UNC5A: variants seen among roughly 807,000 people sequenced by gnomAD.
UNC5A encodes unc-5 netrin receptor A.
A neutral mutation model predicts 87.4 loss-of-function variants in UNC5A; 20 were observed. The observed-to-expected ratio is 0.23, with a 90% CI of 0.16 to 0.33. The LOEUF (loss-of-function observed/expected upper bound fraction) is 0.33. UNC5A is among the 10% of genes least tolerant of loss of function. The probability of loss-of-function intolerance (pLI) is 1.00; values close to 1 mark genes in which losing one functional copy is unlikely to be tolerated. For missense variants in UNC5A, 844 were observed against 1,133.4 expected, an observed-to-expected ratio of 0.74 and a Z score of 3.67; for synonymous variants, 438 against 482.3, an observed-to-expected ratio of 0.91 and a Z score of 1.20.
At chr5:176,816,889 G>A (rs910981785) in intron 1 of UNC5A, among the ~76,000 whole-genome samples, 1 of 152,238 alleles carries the variant, frequency 6.6e-6, no homozygotes, top group African/African-American at 2.4e-5. Flanking sequence ...GGAGGGAAAA[G>A]GCCTGAGGTG....
At chr5:176,877,142 T>C in intron 8 of UNC5A, 50 bp from the exon 9 acceptor site, 1 of 1,442,102 alleles carries the variant, frequency 6.9e-7, no homozygotes, top group South Asian at 1.2e-5. Context: ...TGGTGGGGTG[T>C]TGGGTGCTTT....
Position 176,878,525 on chromosome 5 carries a change from C to T in UNC5A, c.2070C>T (p.Cys690=). The part of the protein sequence containing the change: ...IWNGTQRYLH[C]TFTLERVSPS... ...ATGGCACGCAGCGGTACTTGCACTG[C>T]ACCTTCACCCTGGAGCGTGTCAGCC... is the stretch of plus-strand genomic sequence containing the variant. Residue 690 remains cysteine (C), a synonymous_variant, in exon 13 of 15, where the codon TGC becomes TGT. Transcript: ENST00000329542. The T allele has an allele frequency of 6.2e-7, 1 of 1,613,276 alleles. No individual in the cohort carries two copies.
intron 14 of UNC5A, 64 bp from the exon 15 acceptor site, chr5:176,879,657 G>C (rs1758368195): frequency 5.0e-6 from 8 of 1,585,180 alleles, no homozygotes; most frequent in Non-Finnish European, 6.9e-6. Context: ...GGGTGGGCCA[G>C]GGGGGGCAGG....
chr5:176,859,816 T>C lies in UNC5A; in HGVS notation c.71-2808T>C, dbSNP rs184240026. Among the ~76,000 whole-genome samples, 469 of 151,376 alleles carry C rather than the reference T, an allele frequency of 3.1e-3. 4 individuals carry two copies. The highest frequency in any genetic ancestry group is 0.01 in the African/African-American group (432 of 41,498). ...GCTAGAATGTCCTTGCTAGAGGTCATAGCTGCTAGAATGTCCTTGCTAGAG... is the reference window on the plus strand; with the variant it reads ...GCTAGAATGTCCTTGCTAGAGGTCACAGCTGCTAGAATGTCCTTGCTAGAG... On this transcript the variant is annotated intron_variant, in intron 1 of 14. Coordinates refer to ENST00000329542, the MANE Select transcript of UNC5A (RefSeq NM_133369.3).
intron 1 of UNC5A, among the ~76,000 whole-genome samples, chr5:176,859,136 C>A (rs1359291343): frequency 8.4e-6 from 1 of 118,732 alleles, no homozygotes. Flanking sequence ...CTAGAATGCC[C>A]TTGCTAGAGG....
At chr5:176,834,697 C>CTCTCTCTCTG (rs1757108315) in intron 1 of UNC5A, among the ~76,000 whole-genome samples, 1 of 150,326 alleles carries the variant, frequency 6.7e-6, no homozygotes, top group East Asian at 1.9e-4. Context: ...CTCTCTCTCT[C>CTCTCTCTCTG]TCTCTCTGTC....
intron 1 of UNC5A, among the ~76,000 whole-genome samples, chr5:176,813,529 G>A (rs1756518750): frequency 6.6e-6 from 1 of 152,156 alleles, no homozygotes; most frequent in Non-Finnish European, 1.5e-5. Flanking sequence ...TGGGCTTTGG[G>A]GCCCCTAGGT....
intron 13 of UNC5A, among the ~76,000 whole-genome samples, chr5:176,879,070 G>A (rs527379091): frequency 2.6e-5 from 4 of 152,228 alleles, no homozygotes; most frequent in African/African-American, 7.2e-5. Context: ...GGAGAAGGGC[G>A]GAGAGGGAGG....
intron 1 of UNC5A, among the ~76,000 whole-genome samples, chr5:176,813,496 C>A (rs1042975012): frequency 6.6e-6 from 1 of 152,216 alleles, no homozygotes; most frequent in Non-Finnish European, 1.5e-5. Context: ...TCCTGCTCGC[C>A]CTGCCTTGCA....
At chr5:176,840,384 G>A (rs183052765) in intron 1 of UNC5A, among the ~76,000 whole-genome samples, 14 of 152,268 alleles carry the variant, frequency 9.2e-5, no homozygotes, top group South Asian at 4.1e-4. Context: ...GGGGCTGGGC[G>A]GCAGAGCCAT....
chr5:176,832,030 G>C (rs1757043713), intron 1 of UNC5A, among the ~76,000 whole-genome samples: 1 of 151,630 alleles, frequency 6.6e-6, no homozygotes, highest in African/African-American at 2.4e-5. Context: ...CCGAGTAGCT[G>C]GGACTACAGG....
At position 176,825,106 on chromosome 5, in the gene UNC5A, A is replaced by G. The variant is rs813481; in HGVS notation, c.70+14286A>G. ...ATAGTCAGGTGGAAACATCTAAAAG[A>G]TAATTGGAAACTGGGAGTGGCACTT... is the stretch of plus-strand genomic sequence containing the variant. On this transcript the variant is annotated intron_variant, in intron 1 of 14. Coordinates refer to ENST00000329542, the MANE Select transcript of UNC5A (RefSeq NM_133369.3). 5.1e-3 allele frequency among the ~76,000 whole-genome samples: 774 copies of G among 152,310 alleles called. 4 individuals are homozygous for G. The highest frequency in any genetic ancestry group is 0.018 in the African/African-American group (738 of 41,562).
intron 1 of UNC5A, among the ~76,000 whole-genome samples, chr5:176,833,144 T>G (rs1158689776): frequency 1.3e-5 from 2 of 152,156 alleles, no homozygotes; most frequent in African/African-American, 4.8e-5. Flanking sequence ...CTCAGAATCT[T>G]TTTTTCCTTC....
chr5:176,850,923 C>G (rs924748534), intron 1 of UNC5A, among the ~76,000 whole-genome samples: 8 of 152,096 alleles, frequency 5.3e-5, no homozygotes, highest in African/African-American at 1.7e-4. Flanking sequence ...GCTGTGCTCC[C>G]AGGACTTCCC....
chr5:176,874,675 G>A lies in UNC5A; in HGVS notation c.1378+109G>A. On this transcript the variant is annotated intron_variant, in intron 8 of 14. Coordinates refer to ENST00000329542, the MANE Select transcript of UNC5A (RefSeq NM_133369.3). This position sits in a 1 kb window ranked among gnomAD's most constrained non-coding sequence, Gnocchi z 7.6. ...TCGGTGTCCCGTGACAGATCAGCAA[G>A]GAAAGGGGGTGGAGTTTTGGGGAGA... is the stretch of plus-strand genomic sequence containing the variant. 1 of 1,302,078 alleles carries A rather than the reference G, an allele frequency of 7.7e-7. No individual in the cohort carries two copies. The highest frequency in any genetic ancestry group is 1.0e-6 in the Non-Finnish European group (1 of 969,402). The allele number at this position is 1,302,078 out of a possible 1,614,324, so 80.7% of individuals were successfully genotyped here. A position where few individuals can be genotyped will look rare whatever the true frequency, so the allele number is the denominator to read the frequency against.
intron 1 of UNC5A, among the ~76,000 whole-genome samples, chr5:176,811,742 TG>T (rs1201345603): frequency 7.9e-5 from 12 of 151,596 alleles, no homozygotes; most frequent in Admixed American, 1.3e-4. Context: ...TCTGTGGTGG[TG>T]GGGGGTGGGT....
intron 1 of UNC5A, among the ~76,000 whole-genome samples, chr5:176,827,138 A>G (rs1019976309): frequency 4.1e-5 from 6 of 147,930 alleles, no homozygotes; most frequent in African/African-American, 1.3e-4. Context: ...CTCCAGGTTC[A>G]TCCGTGTTGT....
In UNC5A at chr5:176,880,839, G is replaced by A. The variant is rs950684457; in HGVS notation, c.*953G>A. 1.6e-5 allele frequency: 7 copies of A among 437,380 alleles called. No individual in the cohort carries two copies. Among genetic ancestry groups the A allele is most frequent in the African/African-American group, 8.2e-5 (4 of 48,766 alleles). The allele number at this position is 437,380 out of a possible 1,614,324, so 27.1% of individuals were successfully genotyped here. The stretch of plus-strand genomic sequence containing the variant: ...ATGTACACAGCCTTGCCCGGCCGCC[G>A]GGGCACATAGGGGTTTTATCGGGCG... On this transcript the variant is annotated 3_prime_UTR_variant, in exon 15 of 15. Transcript: ENST00000329542.
intron 1 of UNC5A, among the ~76,000 whole-genome samples, chr5:176,831,124 C>A (rs1757012086): frequency 6.6e-6 from 1 of 152,086 alleles, no homozygotes; most frequent in Non-Finnish European, 1.5e-5. Context: ...CCTCACCTAC[C>A]CCAGTGAAAG....
Sources: gnomAD v4.1 joint callset for allele counts (sites outside exome capture counted in the v4.1 genomes callset) on GRCh38, gnomAD v4.1.1 for gene constraint, Gnocchi (gnomAD v3.1) non-coding constraint, MANE v1.5 for transcripts, NCBI Gene and HGNC (gene_info 2026-07-23, HGNC 2026-07-21) for gene names.